The following TSGA10 variants were observed in gnomAD, a reference collection of about 807,000 sequenced individuals.
TSGA10 encodes testis-specific gene 10 protein.
A neutral mutation model predicts 96.6 loss-of-function variants in TSGA10; 43 were observed. The observed-to-expected ratio is 0.44, with a 90% CI of 0.35 to 0.57. The LOEUF (loss-of-function observed/expected upper bound fraction) is 0.57. Ranked by LOEUF, TSGA10 falls within the 20% of genes least tolerant of loss-of-function variation. The pLI is 0.01. For synonymous variants in TSGA10, 229 were observed against 269.9 expected (o/e 0.85, Z 1.48); for missense variants, 703 against 834.4 (o/e 0.84, Z 1.94).
chr2:99,150,984 AT>A, intron 1 of TSGA10: 2 of 521,366 alleles, frequency 3.8e-6, no homozygotes, highest in Non-Finnish European at 6.8e-6. Context: ...CTTACACTGC[AT>A]TTTTTTATGA....
At chr2:99,044,629 C>A (rs1476416772) in intron 16 of TSGA10, among the ~76,000 whole-genome samples, 2 of 152,078 alleles carry the variant, frequency 1.3e-5, no homozygotes, top group Admixed American at 1.3e-4. Flanking sequence ...ATCAATGAGA[C>A]AGAAAATTAA....
At chr2:99,085,609 TAA>T (rs200309936) in intron 10 of TSGA10, among the ~76,000 whole-genome samples, 38 of 52,454 alleles carry the variant, frequency 7.2e-4, no homozygotes, top group South Asian at 3.2e-3. Context: ...ATCCTGTCTT[TAA>T]AAAAAAAAAA....
At chr2:99,018,489 C>T in intron 19 of TSGA10, 47 bp downstream of exon 19, 1 of 1,580,632 alleles carries the variant, frequency 6.3e-7, no homozygotes, top group Non-Finnish European at 8.6e-7. Context: ...ACAATGCTTT[C>T]CATGCTGAAA....
rs1235350323 is a variant in TSGA10, at chr2:99,117,610, T to C, written c.-206A>G. On this transcript the variant is annotated 5_prime_UTR_variant, in exon 4 of 21. Coordinates refer to ENST00000393483, the MANE Select transcript of TSGA10 (RefSeq NM_025244.4). ...AATTTTTCTCTTTTTCGAGTTGCTC[T>C]GCTAGTTGGTCAATTTTAATCAATT... The C allele has an allele frequency of 5.1e-6, 5 of 985,776 alleles. No individual in the cohort carries two copies. The highest frequency in any genetic ancestry group is 6.0e-6 in the Non-Finnish European group (5 of 829,940). 61.1% of individuals were successfully genotyped at this position (985,776 alleles called of 1,614,324 possible). A position where few individuals can be genotyped will look rare whatever the true frequency, so the allele number is the denominator to read the frequency against.
intron 4 of TSGA10, among the ~76,000 whole-genome samples, chr2:99,112,418 G>C (rs1487614599): frequency 1.3e-5 from 2 of 152,066 alleles, no homozygotes; most frequent in African/African-American, 4.8e-5. Context: ...ATTCCAGCTA[G>C]AATAGACAAT....
At chr2:99,023,089 T>C (rs1165253324) in intron 17 of TSGA10, among the ~76,000 whole-genome samples, 3 of 152,122 alleles carry the variant, frequency 2.0e-5, no homozygotes, top group Non-Finnish European at 4.4e-5. Flanking sequence ...GGCATGAAGA[T>C]GGCTCACTGA....
chr2:99,083,350 T>C (rs1052640177), intron 10 of TSGA10, among the ~76,000 whole-genome samples: 1 of 151,984 alleles, frequency 6.6e-6, no homozygotes, highest in Non-Finnish European at 1.5e-5. Flanking sequence ...GAAAAATCTA[T>C]AGACACTCAA....
intron 20 of TSGA10, among the ~76,000 whole-genome samples, chr2:99,001,219 A>T (rs1368165140): frequency 6.6e-6 from 1 of 152,156 alleles, no homozygotes; most frequent in African/African-American, 2.4e-5. Flanking sequence ...GACACCTCCC[A>T]GTAGGGGCAA....
At chr2:99,093,275 G>A (rs754001606) in intron 10 of TSGA10, among the ~76,000 whole-genome samples, 11 of 152,002 alleles carry the variant, frequency 7.2e-5, no homozygotes, top group South Asian at 2.1e-4. Context: ...AGCCGTCTAC[G>A]GACATACCCA....
At chr2:99,110,238 C>T (rs1021628675) in intron 5 of TSGA10, among the ~76,000 whole-genome samples, 3 of 152,238 alleles carry the variant, frequency 2.0e-5, no homozygotes, top group South Asian at 2.1e-4. Context: ...TTGTTCAATG[C>T]GTGAATAAAT....
intron 10 of TSGA10, among the ~76,000 whole-genome samples, chr2:99,092,055 T>C (rs1257033811): frequency 6.6e-6 from 1 of 152,126 alleles, no homozygotes; most frequent in Non-Finnish European, 1.5e-5. Flanking sequence ...CTCAATAAAT[T>C]TAAGAAAATT....
At chr2:99,066,695 C>T (rs2085304150) in intron 15 of TSGA10, among the ~76,000 whole-genome samples, 1 of 152,082 alleles carries the variant, frequency 6.6e-6, no homozygotes, top group South Asian at 2.1e-4. Context: ...TTTTCATATC[C>T]TCCCATAGAG....
At chr2:99,030,978 A>T (rs1335205346) in intron 17 of TSGA10, among the ~76,000 whole-genome samples, 1 of 152,138 alleles carries the variant, frequency 6.6e-6, no homozygotes, top group Non-Finnish European at 1.5e-5. Flanking sequence ...ATTTTTGAAG[A>T]TATAAAAAGA....
chr2:99,148,282 A>C (rs905953090), intron 1 of TSGA10: 1 of 152,194 alleles, frequency 6.6e-6, no homozygotes, highest in Non-Finnish European at 1.5e-5. Flanking sequence ...ACTCAATTTT[A>C]TTCATTTGAA....
chr2:99,040,507 C>CAAA (rs1175245359), intron 16 of TSGA10, among the ~76,000 whole-genome samples: 2 of 151,664 alleles, frequency 1.3e-5, no homozygotes, highest in Non-Finnish European at 2.9e-5. Context: ...TTTACAATAG[C>CAAA]AAAAACAAAA....
At chr2:99,139,513 A>G (rs990597242) in intron 1 of TSGA10, among the ~76,000 whole-genome samples, 1 of 152,190 alleles carries the variant, frequency 6.6e-6, no homozygotes, top group Non-Finnish European at 1.5e-5. Context: ...TTTTCTTTTT[A>G]AAAATATTGT....
chr2:99,143,581 C>T (rs879640023), intron 1 of TSGA10, among the ~76,000 whole-genome samples: 3 of 151,954 alleles, frequency 2.0e-5, no homozygotes, highest in Admixed American at 6.6e-5. Flanking sequence ...AGCAGTTCTC[C>T]TGCCTTAGCC....
chr2:99,080,518 A>C (rs574798218), intron 11 of TSGA10, among the ~76,000 whole-genome samples: 18 of 152,300 alleles, frequency 1.2e-4, no homozygotes, highest in African/African-American at 4.3e-4. Context: ...CTGAGACACA[A>C]ACTTAAATAT....
chr2:99,039,215 T>C (rs1161770914), intron 16 of TSGA10, among the ~76,000 whole-genome samples: 1 of 149,964 alleles, frequency 6.7e-6, no homozygotes, highest in Non-Finnish European at 1.5e-5. Context: ...AGGTCACACC[T>C]CAAGGAACTA....
Sources: allele counts gnomAD v4.1 joint callset (sites outside exome capture counted in the v4.1 genomes callset), GRCh38; gene constraint gnomAD v4.1.1; transcripts MANE v1.5; gene names NCBI Gene and HGNC (gene_info 2026-07-23, HGNC 2026-07-21).